Variants in C15orf61 observed in about 807,000 individuals in gnomAD.
C15orf61 encodes chromosome 15 open reading frame 61, also known as uncharacterized protein C15orf61.
A neutral mutation model predicts 13.7 loss-of-function variants in C15orf61; 12 were observed. That is an observed-to-expected ratio of 0.88 (90% CI 0.56 to 1.42). The LOEUF is 1.42. C15orf61 is among the 40% of genes most tolerant of loss of function. The pLI, the probability that C15orf61 is intolerant of heterozygous loss-of-function variation, is 0.00. For missense variants in C15orf61, 248 were observed against 213.2 expected (o/e 1.16, Z -1.02); for synonymous variants, 92 against 94.1 (o/e 0.98, Z 0.13).
In C15orf61 at chr15:67,521,363, C is replaced by CA. The variant is rs1165172920; in HGVS notation, c.116dup (p.His39GlnfsTer112). 7 of 1,537,778 alleles carry CA rather than the reference C, an allele frequency of 4.6e-6. No individual in the cohort carries two copies. In the Admixed American group the frequency reaches 1.4e-4, roughly 30 times the overall value. Reference sequence around the variant, plus strand: ...CAGCGCCTCGGAGGTGCTGACGCGGCATCTGCTGCAGCGGCGCCTGCCGCA... The same window carrying CA: ...CAGCGCCTCGGAGGTGCTGACGCGGCAATCTGCTGCAGCGGCGCCTGCCGCA... On this transcript the variant is annotated frameshift_variant, in exon 1 of 2. Transcript: ENST00000342683. LOFTEE classifies it high-confidence loss of function.
Position 67,525,981 on chromosome 15 carries a change from T to C in C15orf61, c.347-437T>C, listed in dbSNP as rs536262858. Among the ~76,000 whole-genome samples, 22 of 152,302 alleles carry C rather than the reference T, an allele frequency of 1.4e-4. No homozygotes were observed. Among genetic ancestry groups the C allele is most frequent in the African/African-American group, 5.3e-4 (22 of 41,560 alleles). On this transcript the variant is annotated intron_variant, in intron 1 of 1. Coordinates refer to ENST00000342683, the MANE Select transcript of C15orf61 (RefSeq NM_001143936.2). The surrounding 1 kb of genome is among the most constrained non-coding windows in gnomAD (Gnocchi z 4.9). ...GCGAGCCGAGATCGCGCCACTGCAC[T>C]CCAACCTGCCAACAGAGTGAGACTC...
At chr15:67,521,640 G>A (rs1406353598) in intron 1 of C15orf61, 46 bp downstream of exon 1, 6 of 1,421,230 alleles carry the variant, frequency 4.2e-6, no homozygotes, top group African/African-American at 1.4e-5. Flanking sequence ...CGCCCGGCCG[G>A]GACGGCCCCT....
In C15orf61 at chr15:67,526,403, T is replaced by G. The variant is rs1322060462; in HGVS notation, c.347-15T>G. 2 of 1,484,882 alleles carry G rather than the reference T, an allele frequency of 1.3e-6. No homozygotes were observed. The highest frequency in any genetic ancestry group is 4.9e-5 in the East Asian group (2 of 40,458). The allele number at this position is 1,484,882 out of a possible 1,614,324, so 92.0% of individuals were successfully genotyped here. A position where few individuals can be genotyped will look rare whatever the true frequency, so the allele number is the denominator to read the frequency against. On this transcript the variant is annotated splice_polypyrimidine_tract_variant and intron_variant, in intron 1 of 1. Transcript: ENST00000342683. ...AATAAGCATTGATGTTTATACATAT[T>G]CGTTTGTTTTCTAGGTATTCCAACT...
Position 67,525,930 on chromosome 15 carries a change from C to T in C15orf61, c.347-488C>T, listed in dbSNP as rs1277034970. 6.6e-6 allele frequency among the ~76,000 whole-genome samples: 1 copy of T among 152,178 alleles called. No individual in the cohort carries two copies. The highest frequency in any genetic ancestry group is 1.9e-4 in the East Asian group (1 of 5,196). ...TCAGGAGGCTGAGGCAGGAGAATCG[C>T]TTGAACCCAGGAGGCGGAGGTGGCA... On this transcript the variant is annotated intron_variant, in intron 1 of 1. Coordinates refer to ENST00000342683, the MANE Select transcript of C15orf61 (RefSeq NM_001143936.2). This position sits in a 1 kb window ranked among gnomAD's most constrained non-coding sequence, Gnocchi z 4.9.
chr15:67,528,386 T>A lies in C15orf61; in HGVS notation c.*1841T>A, dbSNP rs989257635. On this transcript the variant is annotated 3_prime_UTR_variant, in exon 2 of 2. Transcript: ENST00000342683. ...TTGCAGCATTAAACAGGGCCTTGAT[T>A]TCTTGTCTGATGTGCTCACTGTATA... 3.3e-5 allele frequency: 5 copies of A among 152,248 alleles called. No individual in the cohort carries two copies. The highest frequency in any genetic ancestry group is 3.3e-4 in the Admixed American group (5 of 15,290). 9.4% of individuals were successfully genotyped at this position (152,248 alleles called of 1,614,324 possible).
chr15:67,521,822 G>T (rs906740186), intron 1 of C15orf61: 13 of 613,436 alleles, frequency 2.1e-5, no homozygotes, highest in East Asian at 1.4e-4. Flanking sequence ...GCGCGTCCTC[G>T]GGCCTAGGGA....
chr15:67,522,527 G>T (rs967187784), intron 1 of C15orf61, among the ~76,000 whole-genome samples: 5 of 152,160 alleles, frequency 3.3e-5, no homozygotes, highest in African/African-American at 1.2e-4. Context: ...TATGTCAGTC[G>T]TGGGCTTTTT....
At position 67,528,470 on chromosome 15, in the gene C15orf61, C is replaced by T. The variant is rs150323103; in HGVS notation, c.*1925C>T. ...AAAATCAATAGACCTCTTGCTCTTA[C>T]GGAGTTGATCATGGTGAAGGATGAA... On this transcript the variant is annotated 3_prime_UTR_variant, in exon 2 of 2. Transcript: ENST00000342683. 3 of 152,324 alleles carry T rather than the reference C, an allele frequency of 2.0e-5. No individual in the cohort carries two copies. The highest frequency in any genetic ancestry group is 2.1e-4 in the South Asian group (1 of 4,832). The allele number at this position is 152,324 out of a possible 1,614,324, so 9.4% of individuals were successfully genotyped here.
chr15:67,524,999 G>A (rs1427216148), intron 1 of C15orf61, among the ~76,000 whole-genome samples: 1 of 152,046 alleles, frequency 6.6e-6, no homozygotes, highest in Non-Finnish European at 1.5e-5. Context: ...ATCACGCCCA[G>A]CTAATTTTGT....
In C15orf61 at chr15:67,529,650, A is replaced by C; in HGVS notation, c.*3105A>C. The C allele has an allele frequency of 6.6e-6, 1 of 152,214 alleles. No homozygotes were observed. The highest frequency in any genetic ancestry group is 1.9e-4 in the East Asian group (1 of 5,192). 9.4% of individuals were successfully genotyped at this position (152,214 alleles called of 1,614,324 possible). A position where few individuals can be genotyped will look rare whatever the true frequency, so the allele number is the denominator to read the frequency against. On this transcript the variant is annotated 3_prime_UTR_variant, in exon 2 of 2. Transcript: ENST00000342683. This position sits in a 1 kb window ranked among gnomAD's most constrained non-coding sequence, Gnocchi z 4.4. ...TGGTCAGGCTGGTCTTGAACTCCTG[A>C]TCTCAGGTGATCTGCCGGCCTCGGC...
intron 1 of C15orf61, among the ~76,000 whole-genome samples, chr15:67,526,207 C>G (rs982616082): frequency 1.3e-5 from 2 of 152,162 alleles, no homozygotes; most frequent in Non-Finnish European, 2.9e-5. Context: ...CCCGCCTTGT[C>G]TATAGTATGA....
rs572052503 is a variant in C15orf61, at chr15:67,528,818, G to A, written c.*2273G>A. On this transcript the variant is annotated 3_prime_UTR_variant, in exon 2 of 2. Transcript: ENST00000342683. Reference sequence around the variant, plus strand: ...AACGAAACAAGAGACATTTCTACCCGAAAATGTACATCAATTTTACTTTTG... The same window carrying A: ...AACGAAACAAGAGACATTTCTACCCAAAAATGTACATCAATTTTACTTTTG... 2.0e-5 allele frequency: 3 copies of A among 152,124 alleles called. No individual in the cohort carries two copies. Among genetic ancestry groups the A allele is most frequent in the Admixed American group, 6.6e-5 (1 of 15,264 alleles). The allele number at this position is 152,124 out of a possible 1,614,324, so 9.4% of individuals were successfully genotyped here.
Position 67,526,652 on chromosome 15 carries a change from C to G in C15orf61, c.*107C>G, listed in dbSNP as rs557622287. 1 of 1,127,224 alleles carries G rather than the reference C, an allele frequency of 8.9e-7. No individual in the cohort carries two copies. Among genetic ancestry groups the G allele is most frequent in the African/African-American group, 1.6e-5 (1 of 62,280 alleles). 69.8% of individuals were successfully genotyped at this position (1,127,224 alleles called of 1,614,324 possible). A position where few individuals can be genotyped will look rare whatever the true frequency, so the allele number is the denominator to read the frequency against. The stretch of plus-strand genomic sequence containing the variant: ...AACTTTTGCAAATACTTTTTTCTTT[C>G]TACAGTATCTGCTTCTTTAAGATGA... On this transcript the variant is annotated 3_prime_UTR_variant, in exon 2 of 2. Transcript: ENST00000342683.
In C15orf61 at chr15:67,521,138, G is replaced by T; in HGVS notation, c.-111G>T. 3.2e-6 allele frequency: 2 copies of T among 619,140 alleles called. No individual in the cohort carries two copies. The highest frequency in any genetic ancestry group is 4.2e-6 in the Non-Finnish European group (2 of 476,538). 38.4% of individuals were successfully genotyped at this position (619,140 alleles called of 1,614,324 possible). A position where few individuals can be genotyped will look rare whatever the true frequency, so the allele number is the denominator to read the frequency against. On this transcript the variant is annotated 5_prime_UTR_variant, in exon 1 of 2. Coordinates refer to ENST00000342683, the MANE Select transcript of C15orf61 (RefSeq NM_001143936.2). ...GTGCGCACGCGCCGCCGCACACCGG[G>T]GGCTCTCGGGCACCCGCGCGGCGCC...
At chr15:67,521,748 T>C (rs1457309015) in intron 1 of C15orf61, 154 bp downstream of exon 1, 13 of 803,920 alleles carry the variant, frequency 1.6e-5, no homozygotes, top group Non-Finnish European at 2.5e-5. Flanking sequence ...TCCTTTGTAC[T>C]CCTCGCCCAG....
rs1596527378 is a variant in C15orf61, at chr15:67,521,456, T to C, written c.208T>C (p.Trp70Arg). 1.3e-6 allele frequency: 2 copies of C among 1,548,002 alleles called. No individual in the cohort carries two copies. The highest frequency in any genetic ancestry group is 1.7e-6 in the Non-Finnish European group (2 of 1,146,778). The change falls in exon 1 of 2, where the codon TGG becomes CGG. Residue 70 changes from tryptophan to arginine, a missense_variant. Physicochemically the swap from Trp to Arg is moderately radical, Grantham distance 101. Coordinates refer to ENST00000342683, the MANE Select transcript of C15orf61 (RefSeq NM_001143936.2). Reference protein sequence around the residue: ...NDQFGLSHFNWPVQGANYHVL... With the variant: ...NDQFGLSHFNRPVQGANYHVL... ...CCAGTTCGGCCTCTCGCACTTCAAC[T>C]GGCCGGTGCAGGGCGCCAACTACCA...
At position 67,526,641 on chromosome 15, in the gene C15orf61, CT is replaced by C; in HGVS notation, c.*102del. On this transcript the variant is annotated 3_prime_UTR_variant, in exon 2 of 2. Coordinates refer to ENST00000342683, the MANE Select transcript of C15orf61 (RefSeq NM_001143936.2). ...CTTTAAAATAAAACTTTTGCAAATA[CT>C]TTTTTCTTTCTACAGTATCTGCTTC... is the stretch of plus-strand genomic sequence containing the variant. 1 of 1,238,214 alleles carries C rather than the reference CT, an allele frequency of 8.1e-7. No individual in the cohort carries two copies. Among genetic ancestry groups the C allele is most frequent in the Non-Finnish European group, 1.1e-6 (1 of 941,422 alleles). The allele number at this position is 1,238,214 out of a possible 1,614,324, so 76.7% of individuals were successfully genotyped here. A position where few individuals can be genotyped will look rare whatever the true frequency, so the allele number is the denominator to read the frequency against.
rs943127817 is a variant in C15orf61 at position 67,527,117 on chromosome 15, T to G, written c.*572T>G. On this transcript the variant is annotated 3_prime_UTR_variant, in exon 2 of 2. Transcript: ENST00000342683. ...GGAGTGTAATGTTGAAACTTCTTGT[T>G]GCTTAAAGAGTCCAAAACCATATCG... 2 of 152,216 alleles carry G rather than the reference T, an allele frequency of 1.3e-5. No individual in the cohort carries two copies. The highest frequency in any genetic ancestry group is 2.9e-5 in the Non-Finnish European group (2 of 68,030). The allele number at this position is 152,216 out of a possible 1,614,324, so 9.4% of individuals were successfully genotyped here.
At position 67,526,644 on chromosome 15, in the gene C15orf61, T is replaced by C; in HGVS notation, c.*99T>C. On this transcript the variant is annotated 3_prime_UTR_variant, in exon 2 of 2. Transcript: ENST00000342683. ...TAAAATAAAACTTTTGCAAATACTT[T>C]TTTCTTTCTACAGTATCTGCTTCTT... 2.4e-6 allele frequency: 3 copies of C among 1,230,626 alleles called. No individual in the cohort carries two copies. In the East Asian group the frequency reaches 8.4e-5, roughly 34 times the overall value. 76.2% of individuals were successfully genotyped at this position (1,230,626 alleles called of 1,614,324 possible).
Sources: allele counts gnomAD v4.1 joint callset (sites outside exome capture counted in the v4.1 genomes callset), GRCh38; gene constraint gnomAD v4.1.1; non-coding constraint Gnocchi (gnomAD v3.1); transcripts MANE v1.5; gene names NCBI Gene and HGNC (gene_info 2026-07-23, HGNC 2026-07-21).